The following CSRNP3 variants were observed in gnomAD, a reference collection of about 807,000 sequenced individuals.
The protein encoded by CSRNP3 is cysteine/serine-rich nuclear protein 3.
Under a neutral mutation model 48.0 loss-of-function variants are expected in CSRNP3, and 12 were observed. The observed-to-expected ratio is 0.25, with a 90% CI of 0.16 to 0.41. The LOEUF (loss-of-function observed/expected upper bound fraction) is 0.41. Among genes scored for constraint, CSRNP3 ranks in the 10% least tolerant of loss-of-function variants. CSRNP3 has a pLI of 1.00. For missense variants in CSRNP3, 580 were observed against 724.4 expected (o/e 0.80, Z 2.29); for synonymous variants, 263 against 269.7 (o/e 0.98, Z 0.24).
Position 165,688,025 on chromosome 2 carries a change from G to A in CSRNP3, c.*8272G>A, listed in dbSNP as rs191865141. On this transcript the variant is annotated 3_prime_UTR_variant, in exon 7 of 7. Transcript: ENST00000651982. Reference sequence around the variant, plus strand: ...TACTCCCCACAAATAACACTAGGGGGAAATGACCTTTTTTATTTAAAAAAA... The same window carrying A: ...TACTCCCCACAAATAACACTAGGGGAAAATGACCTTTTTTATTTAAAAAAA... 333 of 138,810 alleles carry A rather than the reference G, an allele frequency of 2.4e-3. No homozygotes were observed. Among genetic ancestry groups the A allele is most frequent in the African/African-American group, 8.5e-3 (320 of 37,742 alleles). The allele number at this position is 138,810 out of a possible 1,614,324, so 8.6% of individuals were successfully genotyped here. A position where few individuals can be genotyped will look rare whatever the true frequency, so the allele number is the denominator to read the frequency against.
chr2:165,634,071 G>T (rs776502231), intron 4 of CSRNP3, among the ~76,000 whole-genome samples: 3 of 152,128 alleles, frequency 2.0e-5, no homozygotes, highest in Non-Finnish European at 2.9e-5. Context: ...CAGCCCCGTG[G>T]CTCACACCTG....
chr2:165,564,045 C>T (rs1685267928), intron 3 of CSRNP3, among the ~76,000 whole-genome samples: 1 of 152,034 alleles, frequency 6.6e-6, no homozygotes, highest in East Asian at 1.9e-4. Flanking sequence ...TGGTCTATCG[C>T]CACCTAGGGA....
rs1040147197 is a variant in CSRNP3, at chr2:165,493,961, A to G, written c.-282-798A>G. 3.3e-5 allele frequency among the ~76,000 whole-genome samples: 5 copies of G among 152,254 alleles called. No individual in the cohort carries two copies. The East Asian group carries it at 7.7e-4, about 23-fold the overall frequency. ...ACCTTCACTGTCTCTCTACATAGCT[A>G]TGAAGAAATTACTACTCTCAGGTTT... On this transcript the variant is annotated intron_variant, in intron 1 of 6. Coordinates refer to ENST00000651982, the MANE Select transcript of CSRNP3 (RefSeq NM_001172173.2).
In CSRNP3 at chr2:165,682,091, TC is replaced by T. The variant is rs1350277876; in HGVS notation, c.*2340del. The T allele has an allele frequency of 2.0e-5, 3 of 151,940 alleles. No homozygotes were observed. Among genetic ancestry groups the T allele is most frequent in the African/African-American group, 7.3e-5 (3 of 41,376 alleles). 9.4% of individuals were successfully genotyped at this position (151,940 alleles called of 1,614,324 possible). ...TGTGGGAGAGTGGGGAAGAGCCAGC[TC>T]CAGCCTGAGCAAAGCTGAAGGGTAG... On this transcript the variant is annotated 3_prime_UTR_variant, in exon 7 of 7. Transcript: ENST00000651982.
chr2:165,518,827 T>A (rs1035603746), intron 3 of CSRNP3, among the ~76,000 whole-genome samples: 8 of 152,054 alleles, frequency 5.3e-5, no homozygotes, highest in Non-Finnish European at 1.2e-4. Flanking sequence ...GGACTTAGCA[T>A]ATGCAAAGCA....
rs143480676 is a variant in CSRNP3, at chr2:165,653,466, C to T, written c.149-4295C>T. On this transcript the variant is annotated intron_variant, in intron 4 of 6. Transcript: ENST00000651982. ...GCTGAAGGCCTTCTGCTCCCTGACA[C>T]TATTGTCGTCTTCAAGGCCTTAGAA... Among the ~76,000 whole-genome samples, 106 of 152,294 alleles carry T rather than the reference C, an allele frequency of 7.0e-4. No homozygotes were observed. In the East Asian group the frequency reaches 8.3e-3, roughly 12 times the overall value.
chr2:165,646,998 G>T (rs960814630), intron 4 of CSRNP3, among the ~76,000 whole-genome samples: 1 of 151,968 alleles, frequency 6.6e-6, no homozygotes, highest in Admixed American at 6.6e-5. Context: ...ACATATGAGA[G>T]ATTAAGGAAA....
intron 3 of CSRNP3, among the ~76,000 whole-genome samples, chr2:165,539,391 C>T (rs1684923946): frequency 6.6e-6 from 1 of 151,960 alleles, no homozygotes; most frequent in Non-Finnish European, 1.5e-5. Flanking sequence ...CTACTTTTCC[C>T]CTCACGCCAG....
At chr2:165,497,195 A>G (rs1441053396) in intron 2 of CSRNP3, among the ~76,000 whole-genome samples, 1 of 152,078 alleles carries the variant, frequency 6.6e-6, no homozygotes, top group Non-Finnish European at 1.5e-5. Context: ...AAACACATAC[A>G]TATCCACTGT....
chr2:165,677,598 A>G (rs1378746420), intron 6 of CSRNP3, among the ~76,000 whole-genome samples: 2 of 151,936 alleles, frequency 1.3e-5, no homozygotes, highest in African/African-American at 2.4e-5. Context: ...AAAAAAAAAA[A>G]ATACAGATAC....
At chr2:165,656,860 G>A (rs1414377348) in intron 4 of CSRNP3, among the ~76,000 whole-genome samples, 2 of 152,084 alleles carry the variant, frequency 1.3e-5, no homozygotes, top group Non-Finnish European at 1.5e-5. Flanking sequence ...TTTGATTATA[G>A]TATAATACAA....
chr2:165,547,386 T>G (rs1685044713), intron 3 of CSRNP3, among the ~76,000 whole-genome samples: 1 of 152,144 alleles, frequency 6.6e-6, no homozygotes, highest in African/African-American at 2.4e-5. Flanking sequence ...ACAAAAATAC[T>G]GTATCACCAA....
chr2:165,653,615 A>G (rs1274258636), intron 4 of CSRNP3, among the ~76,000 whole-genome samples: 1 of 152,066 alleles, frequency 6.6e-6, no homozygotes, highest in South Asian at 2.1e-4. Flanking sequence ...GTGGAGATCT[A>G]AATACATTTA....
chr2:165,652,288 G>T (rs1686923803), intron 4 of CSRNP3, among the ~76,000 whole-genome samples: 1 of 151,800 alleles, frequency 6.6e-6, no homozygotes, highest in African/African-American at 2.4e-5. Context: ...GAGGCAGGCG[G>T]ATCATGCGGT....
chr2:165,515,338 CAT>C (rs60927595), intron 2 of CSRNP3, among the ~76,000 whole-genome samples: 25,312 of 142,348 alleles, frequency 0.18, 2,391 homozygotes, highest in Non-Finnish European at 0.2. Context: ...AAAAAAAATA[CAT>C]ATATATATAT....
intron 5 of CSRNP3, among the ~76,000 whole-genome samples, chr2:165,673,963 G>T (rs1687377494): frequency 6.6e-6 from 1 of 152,140 alleles, no homozygotes; most frequent in South Asian, 2.1e-4. Context: ...TGAGATTGCA[G>T]CTAGCCGAGA....
intron 2 of CSRNP3, among the ~76,000 whole-genome samples, chr2:165,501,736 A>G (rs1269546955): frequency 6.6e-6 from 1 of 152,180 alleles, no homozygotes; most frequent in Non-Finnish European, 1.5e-5. Context: ...CATCTTAAGT[A>G]TAACGTGAGT....
chr2:165,482,265 C>CTTTTTTTTTTTTTTT (rs5836042), intron 1 of CSRNP3, among the ~76,000 whole-genome samples: 1 of 143,282 alleles, frequency 7.0e-6, no homozygotes, highest in Non-Finnish European at 1.5e-5. Flanking sequence ...AAGAGATGTG[C>CTTTTTTTTTTTTTTT]TTTTTTTTTT....
intron 2 of CSRNP3, among the ~76,000 whole-genome samples, chr2:165,510,817 G>C: frequency 6.6e-6 from 1 of 152,148 alleles, no homozygotes; most frequent in South Asian, 2.1e-4. Flanking sequence ...CTAAAGCTCA[G>C]AGAAGAGGTT....
Sources: gnomAD v4.1 joint callset for allele counts (sites outside exome capture counted in the v4.1 genomes callset) on GRCh38, gnomAD v4.1.1 for gene constraint, MANE v1.5 for transcripts, NCBI Gene and HGNC (gene_info 2026-07-23, HGNC 2026-07-21) for gene names.